Variants in PARD3 observed in about 807,000 individuals in gnomAD.
PARD3 encodes partitioning defective 3 homolog.
PARD3 carries 75 observed loss-of-function variants against 155.4 expected under a neutral mutation model. That is an observed-to-expected ratio of 0.48 (90% CI 0.40 to 0.58). PARD3 has a LOEUF of 0.58. Among genes scored for constraint, PARD3 ranks in the 20% least tolerant of loss-of-function variants. PARD3 has a pLI of 0.00. For synonymous variants in PARD3, 576 were observed against 610.5 expected, an observed-to-expected ratio of 0.94 and a Z score of 0.83; for missense variants, 1,642 against 1,721.7, an observed-to-expected ratio of 0.95 and a Z score of 0.82.
chr10:34,260,662 A>G (rs535659063), intron 22 of PARD3, among the ~76,000 whole-genome samples: 1 of 152,342 alleles, frequency 6.6e-6, no homozygotes, highest in South Asian at 2.1e-4. Context: ...TAATTAGCAA[A>G]GGCACCAACT....
chr10:34,770,563 G>C (rs962207939), intron 1 of PARD3, among the ~76,000 whole-genome samples: 1 of 152,132 alleles, frequency 6.6e-6, no homozygotes, highest in Non-Finnish European at 1.5e-5. Context: ...AAACTCTTGC[G>C]CTGGACCTGC....
At chr10:34,372,199 A>G (rs541295952) in intron 12 of PARD3, among the ~76,000 whole-genome samples, 42 of 152,066 alleles carry the variant, frequency 2.8e-4, no homozygotes, top group African/African-American at 8.9e-4. Flanking sequence ...TTCACAACTC[A>G]TGAAATACTT....
At chr10:34,180,532 T>G (rs1398575797) in intron 22 of PARD3, among the ~76,000 whole-genome samples, 2 of 152,198 alleles carry the variant, frequency 1.3e-5, no homozygotes, top group Admixed American at 1.3e-4. Context: ...TGGTCATAAC[T>G]TGAGAAGAAC....
chr10:34,260,182 C>A (rs770844051), intron 22 of PARD3, among the ~76,000 whole-genome samples: 8 of 152,248 alleles, frequency 5.3e-5, no homozygotes, highest in Non-Finnish European at 7.3e-5. Flanking sequence ...GCCATGTTGC[C>A]CAAAGTGGCC....
At chr10:34,804,006 G>C (rs1238808742) in intron 1 of PARD3, among the ~76,000 whole-genome samples, 1 of 150,486 alleles carries the variant, frequency 6.6e-6, no homozygotes, top group Admixed American at 6.7e-5. Context: ...TCCAAATGAT[G>C]CACTTAGGGA....
At chr10:34,312,305 C>G in intron 20 of PARD3, 1 of 1,605,892 alleles carries the variant, frequency 6.2e-7, no homozygotes, top group Non-Finnish European at 8.5e-7. Flanking sequence ...AAAACAACAA[C>G]TGTGCAATAT....
intron 20 of PARD3, among the ~76,000 whole-genome samples, chr10:34,316,563 C>T (rs563125618): frequency 1.3e-5 from 2 of 152,194 alleles, no homozygotes; most frequent in African/African-American, 4.8e-5. Flanking sequence ...TATTAATGAA[C>T]CTTTAAATGC....
intron 22 of PARD3, among the ~76,000 whole-genome samples, chr10:34,210,961 G>A (rs1951716480): frequency 6.6e-6 from 1 of 152,120 alleles, no homozygotes; most frequent in Admixed American, 6.5e-5. Context: ...CCAATCATAA[G>A]GGAGGACAGG....
chr10:34,436,194 A>G (rs1413224406), intron 5 of PARD3, among the ~76,000 whole-genome samples: 3 of 152,214 alleles, frequency 2.0e-5, no homozygotes, highest in Non-Finnish European at 2.9e-5. Flanking sequence ...AATTGAACTC[A>G]ATGCTCTAAC....
intron 22 of PARD3, among the ~76,000 whole-genome samples, chr10:34,237,795 T>C (rs1165622368): frequency 6.6e-6 from 1 of 152,210 alleles, no homozygotes; most frequent in African/African-American, 2.4e-5. Flanking sequence ...ATTAAGCATG[T>C]TGTCTTTTTA....
chr10:34,370,511 C>G (rs939969023), intron 12 of PARD3, among the ~76,000 whole-genome samples: 1 of 152,080 alleles, frequency 6.6e-6, no homozygotes, highest in Non-Finnish European at 1.5e-5. Flanking sequence ...ATCTCCTGGG[C>G]TCAAGTGATC....
chr10:34,614,057 A>G (rs2132647376), intron 2 of PARD3, among the ~76,000 whole-genome samples: 1 of 152,348 alleles, frequency 6.6e-6, no homozygotes, highest in South Asian at 2.1e-4. Context: ...ATGTGTTTGT[A>G]TGCTTGATCT....
intron 22 of PARD3, among the ~76,000 whole-genome samples, chr10:34,181,127 C>T (rs918117243): frequency 1.3e-4 from 20 of 152,184 alleles, no homozygotes; most frequent in African/African-American, 4.8e-4. Context: ...ACCTGTGCAA[C>T]ATTACTGCTA....
intron 24 of PARD3, among the ~76,000 whole-genome samples, chr10:34,114,082 C>A (rs755779891): frequency 2.0e-5 from 3 of 151,938 alleles, no homozygotes; most frequent in Non-Finnish European, 2.9e-5. Flanking sequence ...CATAGTGAGA[C>A]CCCATCTCTA....
intron 1 of PARD3, among the ~76,000 whole-genome samples, chr10:34,730,425 T>C (rs1233755722): frequency 6.6e-6 from 1 of 152,156 alleles, no homozygotes; most frequent in African/African-American, 2.4e-5. Flanking sequence ...GGACTACTTT[T>C]TAACAATAAT....
intron 22 of PARD3, among the ~76,000 whole-genome samples, chr10:34,241,008 A>G (rs1184449633): frequency 1.3e-5 from 2 of 152,188 alleles, no homozygotes; most frequent in Non-Finnish European, 2.9e-5. Context: ...ACAGCTTTAC[A>G]GGACAGATGG....
rs184610125 is a variant in PARD3 at position 34,686,967 on chromosome 10, T to G, written c.222+9351A>C. ...GGGAGGCTGAGGCAGAAGAATCGCT[T>G]GAACCCAAGAGGCAGAGGTTTCAGT... On this transcript the variant is annotated intron_variant, in intron 2 of 24. Coordinates refer to ENST00000374788, the MANE Select transcript of PARD3 (RefSeq NM_001184785.2). Among the ~76,000 whole-genome samples, 1,242 of 152,072 alleles carry G rather than the reference T, an allele frequency of 8.2e-3. 8 individuals are homozygous for G. Among genetic ancestry groups the G allele is most frequent in the Non-Finnish European group, 0.014 (968 of 67,986 alleles).
intron 22 of PARD3, among the ~76,000 whole-genome samples, chr10:34,209,047 T>G (rs146554730): frequency 5.5e-4 from 84 of 152,288 alleles, no homozygotes; most frequent in African/African-American, 2.0e-3. Flanking sequence ...AAACTAAAAT[T>G]CCACATATAA....
intron 2 of PARD3, among the ~76,000 whole-genome samples, chr10:34,520,227 A>C (rs1393065571): frequency 6.6e-6 from 1 of 152,082 alleles, no homozygotes; most frequent in African/African-American, 2.4e-5. Flanking sequence ...AACAAAGAAA[A>C]CCATTGTACA....
Sources: gnomAD v4.1 joint callset for allele counts (sites outside exome capture counted in the v4.1 genomes callset) on GRCh38, gnomAD v4.1.1 for gene constraint, MANE v1.5 for transcripts, NCBI Gene and HGNC (gene_info 2026-07-23, HGNC 2026-07-21) for gene names.